VAC14: variants seen among roughly 807,000 people sequenced by gnomAD.
VAC14 encodes protein VAC14 homolog.
Under a neutral mutation model 85.3 loss-of-function variants are expected in VAC14, and 47 were observed. The ratio of observed to expected loss-of-function variants is 0.55; its 90% CI spans 0.44 to 0.70. The LOEUF is 0.70. Among genes scored for constraint, VAC14 ranks in the 30% least tolerant of loss-of-function variants. VAC14 has a pLI of 0.00. For synonymous variants in VAC14, 447 were observed against 430.5 expected (o/e 1.04, Z -0.47); for missense variants, 861 against 1,004.3 (o/e 0.86, Z 1.93).
At position 70,801,060 on chromosome 16, in the gene VAC14, G is replaced by A. The variant is rs995349700; in HGVS notation, c.-160C>T. On this transcript the variant is annotated 5_prime_UTR_variant, in exon 1 of 19. Transcript: ENST00000261776. ...GCTCCGCCGCCTCGCCCTGGAACCC[G>A]GGCCCGGACCCCGCTCCAGCACACC... The A allele has an allele frequency of 2.6e-5, 13 of 492,990 alleles. No individual in the cohort carries two copies. Among genetic ancestry groups the A allele is most frequent in the Non-Finnish European group, 4.2e-5 (12 of 286,912 alleles). The allele number at this position is 492,990 out of a possible 1,614,324, so 30.5% of individuals were successfully genotyped here.
intron 17 of VAC14, 115 bp from the exon 18 acceptor site, chr16:70,693,086 C>A: frequency 7.2e-7 from 1 of 1,385,024 alleles, no homozygotes; most frequent in Non-Finnish European, 9.7e-7. Flanking sequence ...CCATGGCACC[C>A]ACAGCCCAAG....
At chr16:70,784,944 G>T in intron 3 of VAC14, 106 bp from the exon 4 acceptor site, 1 of 957,214 alleles carries the variant, frequency 1.0e-6, no homozygotes, top group South Asian at 1.3e-5. Flanking sequence ...GTGCAGCCCA[G>T]AACATCTAGC....
rs2034006072 is a variant in VAC14, at chr16:70,785,482, T to C, written c.423+220A>G. On this transcript the variant is annotated intron_variant, in intron 3 of 18. Coordinates refer to ENST00000261776, the MANE Select transcript of VAC14 (RefSeq NM_018052.5). ...CTCTACTGTATGGCAGACTGATACT[T>C]ATATCAAATGCAATCAAAATGAATT... Among the ~76,000 whole-genome samples, 3 of 152,214 alleles carry C rather than the reference T, an allele frequency of 2.0e-5. No individual in the cohort carries two copies. The South Asian group carries it at 6.2e-4, about 32-fold the overall frequency.
At chr16:70,760,036 C>A (rs776562063) in intron 12 of VAC14, among the ~76,000 whole-genome samples, 2 of 152,148 alleles carry the variant, frequency 1.3e-5, no homozygotes, top group African/African-American at 4.8e-5. Context: ...AAGGGTCTAG[C>A]GCGATTCCTC....
At chr16:70,745,684 C>T (rs1247852072) in intron 12 of VAC14, among the ~76,000 whole-genome samples, 1 of 152,244 alleles carries the variant, frequency 6.6e-6, no homozygotes, top group Non-Finnish European at 1.5e-5. Flanking sequence ...GGGCTAGGGA[C>T]TATGCCTGTC....
In VAC14 at chr16:70,741,423, C is replaced by A. The variant is rs957535699; in HGVS notation, c.1528+3000G>T. On this transcript the variant is annotated intron_variant, in intron 13 of 18. Transcript: ENST00000261776. ...CGGGGAAGCAGGGCACACTCTGGCT[C>A]CCCTGGCTGTTCTCTTACTGGTTTA... is the stretch of plus-strand genomic sequence containing the variant. 2.0e-5 allele frequency among the ~76,000 whole-genome samples: 3 copies of A among 152,356 alleles called. 1 individual carries two copies. The highest frequency in any genetic ancestry group is 6.5e-5 in the Admixed American group (1 of 15,308).
At chr16:70,771,988 G>A in intron 10 of VAC14, 121 bp downstream of exon 10, 1 of 849,412 alleles carries the variant, frequency 1.2e-6, no homozygotes, top group South Asian at 1.6e-5. Context: ...GTACGAGGGT[G>A]TCCCAAAAGC....
At chr16:70,707,958 T>G (rs1018401275) in intron 14 of VAC14, among the ~76,000 whole-genome samples, 8 of 152,088 alleles carry the variant, frequency 5.3e-5, no homozygotes, top group Non-Finnish European at 1.2e-4. Flanking sequence ...ACCTGGCTAA[T>G]TTTTGTATTT....
At chr16:70,725,053 G>A (rs557170205) in intron 14 of VAC14, among the ~76,000 whole-genome samples, 1 of 152,392 alleles carries the variant, frequency 6.6e-6, no homozygotes, top group African/African-American at 2.4e-5. Context: ...GGGCCGCCTA[G>A]AAGCTCTAGC....
intron 9 of VAC14, 115 bp from the exon 10 acceptor site, chr16:70,772,287 C>G (rs2033277630): frequency 1.1e-6 from 1 of 879,782 alleles, no homozygotes. Context: ...TTGATTCAGG[C>G]TCTTCAAAAG....
intron 12 of VAC14, among the ~76,000 whole-genome samples, chr16:70,746,361 C>G (rs2030889304): frequency 6.6e-6 from 1 of 152,246 alleles, no homozygotes; most frequent in Non-Finnish European, 1.5e-5. Context: ...CTTCATCCCT[C>G]TCCCACTCAT....
At chr16:70,749,931 G>C (rs1412239121) in intron 12 of VAC14, among the ~76,000 whole-genome samples, 2 of 152,240 alleles carry the variant, frequency 1.3e-5, no homozygotes, top group Non-Finnish European at 2.9e-5. Flanking sequence ...CCTCAACAGG[G>C]GGCCTGGGTC....
At chr16:70,691,809 G>C (rs2053601100) in intron 18 of VAC14, 1 of 985,444 alleles carries the variant, frequency 1.0e-6, no homozygotes, top group Non-Finnish European at 1.2e-6. Flanking sequence ...GGGAGGGGCA[G>C]TGGGAGCCGA....
intron 14 of VAC14, among the ~76,000 whole-genome samples, chr16:70,702,329 C>T (rs1056422030): frequency 6.6e-6 from 1 of 152,156 alleles, no homozygotes; most frequent in Non-Finnish European, 1.5e-5. Context: ...AGCCTCCTCA[C>T]GAGGTGTCTC....
At chr16:70,794,745 G>A (rs1293569711) in intron 1 of VAC14, among the ~76,000 whole-genome samples, 1 of 152,146 alleles carries the variant, frequency 6.6e-6, no homozygotes, top group African/African-American at 2.4e-5. Flanking sequence ...GCCCCCAGGG[G>A]CCAGCCTGTG....
chr16:70,753,873 G>A (rs116570774), intron 12 of VAC14, among the ~76,000 whole-genome samples: 2,823 of 152,250 alleles, frequency 0.019, 86 homozygotes, highest in African/African-American at 0.063. Flanking sequence ...GAGTGAGAGC[G>A]CCCATTCCTG....
intron 14 of VAC14, among the ~76,000 whole-genome samples, chr16:70,711,039 C>T (rs1437827957): frequency 6.6e-6 from 1 of 152,238 alleles, no homozygotes; most frequent in Non-Finnish European, 1.5e-5. Context: ...CGTCCCTCAG[C>T]GGGGAGCCGC....
At chr16:70,770,833 G>C (rs1046568009) in intron 10 of VAC14, 1 of 152,206 alleles carries the variant, frequency 6.6e-6, no homozygotes, top group African/African-American at 2.4e-5. Context: ...CTCCATCAAC[G>C]TAGGGGACTC....
chr16:70,797,575 T>A (rs2143362379), intron 1 of VAC14, among the ~76,000 whole-genome samples: 1 of 152,324 alleles, frequency 6.6e-6, no homozygotes, highest in South Asian at 2.1e-4. Flanking sequence ...TGTATACAGT[T>A]TGTAACAATT....
Sources: allele counts gnomAD v4.1 joint callset (sites outside exome capture counted in the v4.1 genomes callset), GRCh38; gene constraint gnomAD v4.1.1; transcripts MANE v1.5; gene names NCBI Gene and HGNC (gene_info 2026-07-23, HGNC 2026-07-21).